The following NXPE1 variants were observed in gnomAD, a reference collection of about 807,000 sequenced individuals.
NXPE1 encodes neurexophilin and PC-esterase domain family member 1.
Under a neutral mutation model 33.3 loss-of-function variants are expected in NXPE1, and 31 were observed. The ratio of observed to expected loss-of-function variants is 0.93; its 90% CI spans 0.70 to 1.26. The LOEUF (loss-of-function observed/expected upper bound fraction) is 1.26, where lower values mean the gene tolerates loss of function less well. NXPE1 is among the 50% of genes most tolerant of loss of function. The pLI is 0.00. For missense variants in NXPE1, 661 were observed against 655.6 expected (o/e 1.01, Z -0.09); for synonymous variants, 229 against 231.4 (o/e 0.99, Z 0.09).
chr11:114,549,278 A>G (rs1278907130), intron 5 of NXPE1, among the ~76,000 whole-genome samples: 1 of 152,066 alleles, frequency 6.6e-6, no homozygotes, highest in African/African-American at 2.4e-5. Flanking sequence ...TTACGAAATA[A>G]GTATAATGTA....
chr11:114,521,862 T>C (rs1211613662), exon 9 of NXPE1: 1 of 889,096 alleles, frequency 1.1e-6, no homozygotes, highest in Admixed American at 2.6e-5. Context: ...CAGATTCTTT[T>C]AAATTTATTT....
At chr11:114,525,607 G>C (rs115404096) in intron 7 of NXPE1, among the ~76,000 whole-genome samples, 129 of 152,152 alleles carry the variant, frequency 8.5e-4, no homozygotes, top group African/African-American at 2.9e-3. Context: ...TGCAAGTTTT[G>C]TAAGTGCCTG....
chr11:114,550,472 A>C (rs1948439278), intron 5 of NXPE1, among the ~76,000 whole-genome samples: 1 of 152,196 alleles, frequency 6.6e-6, no homozygotes, highest in African/African-American at 2.4e-5. Flanking sequence ...ATCAGTGAGG[A>C]TATAGAATGG....
In NXPE1 at chr11:114,530,606, A is replaced by C; in HGVS notation, c.402T>G (p.Tyr134Ter). The change falls in exon 6 of 9, where the codon TAT becomes TAG. Residue 134 changes from tyrosine to a stop codon, truncating the protein, a stop_gained. Transcript: ENST00000534921. LOFTEE classifies it high-confidence loss of function. The stretch of plus-strand genomic sequence containing the variant: ...TCCTGGCCCTCAGGAAATCCCCACC[A>C]TATTGCTTCCTCTGTCCCAAGTGGT... The C allele has an allele frequency of 1.9e-6, 3 of 1,614,096 alleles. No homozygotes were observed. The East Asian group carries it at 6.7e-5, about 36-fold the overall frequency.
downstream of NXPE1, among the ~76,000 whole-genome samples, chr11:114,521,198 C>T (rs1166682106): frequency 6.6e-6 from 1 of 152,020 alleles, no homozygotes; most frequent in Non-Finnish European, 1.5e-5. Context: ...CATATATTTC[C>T]CTTTTGTTGC....
intron 7 of NXPE1, among the ~76,000 whole-genome samples, chr11:114,525,107 A>G (rs141254359): frequency 1.6e-3 from 243 of 152,026 alleles, no homozygotes; most frequent in African/African-American, 5.4e-3. Flanking sequence ...TCTGGGGGTA[A>G]TGGTGTGGAG....
intron 5 of NXPE1, among the ~76,000 whole-genome samples, chr11:114,549,473 A>G (rs1948397716): frequency 6.6e-6 from 1 of 152,062 alleles, no homozygotes; most frequent in Non-Finnish European, 1.5e-5. Flanking sequence ...TCACATTAAT[A>G]CAGCTAATGT....
At chr11:114,539,570 A>G (rs1267905634) in intron 5 of NXPE1, among the ~76,000 whole-genome samples, 1 of 152,208 alleles carries the variant, frequency 6.6e-6, no homozygotes, top group Non-Finnish European at 1.5e-5. Flanking sequence ...TTAACATGAT[A>G]AAGTTGTTAA....
chr11:114,538,299 C>A (rs1319972288), intron 5 of NXPE1, among the ~76,000 whole-genome samples: 1 of 152,080 alleles, frequency 6.6e-6, no homozygotes, highest in Non-Finnish European at 1.5e-5. Context: ...TAAAGACTTA[C>A]ATGTTTGACC....
intron 1 of NXPE1, among the ~76,000 whole-genome samples, chr11:114,556,997 A>G (rs1591312507): frequency 6.6e-6 from 1 of 151,902 alleles, no homozygotes; most frequent in Non-Finnish European, 1.5e-5. Context: ...GGTTCAAGCA[A>G]TTATAGTGCC....
rs142403291 is a variant in NXPE1, at chr11:114,540,837, C to CTTTTTTT, written c.100-9936_100-9930dup. Among the ~76,000 whole-genome samples, 41 of 47,468 alleles carry CTTTTTTT rather than the reference C, an allele frequency of 8.6e-4. 14 individuals are homozygous for CTTTTTTT. Among genetic ancestry groups the CTTTTTTT allele is most frequent in the Non-Finnish European group, 1.6e-3 (35 of 21,468 alleles). 31.1% of individuals were successfully genotyped at this position (47,468 alleles called of 152,430 possible). ...TAGCTAAAACACAATAGAAAGCCAT[C>CTTTTTTT]TTTTTTTTTTTTTTTTTTTTTTTTT... On this transcript the variant is annotated intron_variant, in intron 5 of 8. Coordinates refer to ENST00000534921, the Ensembl canonical transcript of NXPE1.
At chr11:114,523,174 T>C (rs1947268525) in intron 7 of NXPE1, 83 bp from the exon 8 acceptor site, 1 of 981,626 alleles carries the variant, frequency 1.0e-6, no homozygotes, top group Non-Finnish European at 1.6e-6. Context: ...ATTTTCTTGC[T>C]CTCTTTCCCC....
intron 5 of NXPE1, among the ~76,000 whole-genome samples, chr11:114,545,983 CT>C (rs1181884315): frequency 2.0e-5 from 3 of 152,128 alleles, no homozygotes; most frequent in Admixed American, 6.5e-5. Context: ...GCCACTGCCC[CT>C]GGCTGAGTGA....
At chr11:114,544,354 C>T (rs939918305) in intron 5 of NXPE1, among the ~76,000 whole-genome samples, 4 of 152,144 alleles carry the variant, frequency 2.6e-5, no homozygotes, top group Non-Finnish European at 5.9e-5. Flanking sequence ...GTTATCAAGA[C>T]AATGCAGTGT....
At chr11:114,550,224 C>T (rs1948427181) in intron 5 of NXPE1, among the ~76,000 whole-genome samples, 1 of 152,204 alleles carries the variant, frequency 6.6e-6, no homozygotes, top group South Asian at 2.1e-4. Flanking sequence ...AGAAAGTTCA[C>T]TTGAAAGGAT....
chr11:114,535,590 C>G (rs888501741), intron 5 of NXPE1, among the ~76,000 whole-genome samples: 2 of 152,138 alleles, frequency 1.3e-5, no homozygotes, highest in Non-Finnish European at 2.9e-5. Flanking sequence ...GGAGGAAGAT[C>G]TACCAAGCAA....
chr11:114,537,349 C>A (rs1947871918), intron 5 of NXPE1, among the ~76,000 whole-genome samples: 1 of 152,188 alleles, frequency 6.6e-6, no homozygotes, highest in Non-Finnish European at 1.5e-5. Flanking sequence ...AAACTGGGAG[C>A]ATTCCCTTTG....
At chr11:114,538,962 C>G (rs1430477029) in intron 5 of NXPE1, among the ~76,000 whole-genome samples, 6 of 151,972 alleles carry the variant, frequency 3.9e-5, no homozygotes, top group African/African-American at 1.5e-4. Context: ...ATAAATCATG[C>G]TGCTATAAAG....
chr11:114,541,786 C>G (rs374207782), intron 5 of NXPE1, among the ~76,000 whole-genome samples: 4 of 152,202 alleles, frequency 2.6e-5, no homozygotes, highest in Admixed American at 1.3e-4. Context: ...AAAATCAGAG[C>G]TTAGTCCTCA....
Sources: allele counts gnomAD v4.1 joint callset (sites outside exome capture counted in the v4.1 genomes callset), GRCh38; gene constraint gnomAD v4.1.1; transcripts MANE v1.5; gene names NCBI Gene and HGNC (gene_info 2026-07-23, HGNC 2026-07-21).